The following UNC13C variants were observed in gnomAD, a reference collection of about 807,000 sequenced individuals.
UNC13C encodes protein unc-13 homolog C.
UNC13C carries 174 observed loss-of-function variants against 245.4 expected under a neutral mutation model. That is an observed-to-expected ratio of 0.71 (90% CI 0.63 to 0.80). UNC13C has a LOEUF of 0.80. Among genes scored for constraint, UNC13C ranks in the 30% least tolerant of loss-of-function variants. The probability of loss-of-function intolerance (pLI) is 0.00; values close to 1 mark genes in which losing one functional copy is unlikely to be tolerated. For missense variants in UNC13C, 2,829 were observed against 2,602.9 expected, an observed-to-expected ratio of 1.09 and a Z score of -1.89; for synonymous variants, 992 against 895.1, an observed-to-expected ratio of 1.11 and a Z score of -1.93.
intron 28 of UNC13C, among the ~76,000 whole-genome samples, chr15:54,551,990 A>G (rs533368685): frequency 7.1e-4 from 108 of 151,486 alleles, no homozygotes; most frequent in African/African-American, 2.6e-3. Context: ...AGCAGATATG[A>G]TGTGCTGAAA....
the UNC13C span, among the ~76,000 whole-genome samples, chr15:53,844,486 G>A: frequency 6.6e-6 from 1 of 152,150 alleles, no homozygotes; most frequent in South Asian, 2.1e-4. Flanking sequence ...AGGGAAGGTG[G>A]GTCAATGTGA....
chr15:54,499,490 C>T (rs1484737860), intron 20 of UNC13C, among the ~76,000 whole-genome samples: 1 of 152,020 alleles, frequency 6.6e-6, no homozygotes, highest in Non-Finnish European at 1.5e-5. Context: ...GGCATGATGA[C>T]CTGATTTGCA....
intron 26 of UNC13C, among the ~76,000 whole-genome samples, chr15:54,534,129 C>T (rs967976549): frequency 6.6e-6 from 1 of 152,216 alleles, no homozygotes; most frequent in African/African-American, 2.4e-5. Context: ...CTGCCACCAG[C>T]CATTGCCCCA....
chr15:54,084,547 T>C (rs1480571771), intron 2 of UNC13C, among the ~76,000 whole-genome samples: 4 of 152,236 alleles, frequency 2.6e-5, no homozygotes, highest in Non-Finnish European at 5.9e-5. Context: ...TTTATGGCCA[T>C]TGCCATTTTT....
Position 54,351,498 on chromosome 15 carries a change from G to A in UNC13C, c.4713+13009G>A, listed in dbSNP as rs117273371. Reference sequence around the variant, plus strand: ...GTCTGTATTATTTCCCAAGGCTTGCGCTCCTCTTCCCCAGCTTCCCAGAAG... The same window carrying A: ...GTCTGTATTATTTCCCAAGGCTTGCACTCCTCTTCCCCAGCTTCCCAGAAG... On this transcript the variant is annotated intron_variant, in intron 17 of 32. Transcript: ENST00000260323. Among the ~76,000 whole-genome samples the A allele has an allele frequency of 3.1e-3, 478 of 152,148 alleles. 5 individuals carry two copies. The East Asian group carries it at 0.037, about 12-fold the overall frequency.
the UNC13C span, among the ~76,000 whole-genome samples, chr15:53,957,422 C>T: frequency 6.6e-6 from 1 of 152,162 alleles, no homozygotes; most frequent in Admixed American, 6.5e-5. Context: ...CGTGAGCCAC[C>T]ATGCCCTACC....
the UNC13C span, among the ~76,000 whole-genome samples, chr15:53,947,392 C>T: frequency 6.6e-6 from 1 of 152,148 alleles, no homozygotes; most frequent in Non-Finnish European, 1.5e-5. Context: ...AAATAGAAAG[C>T]TGATTTATTA....
At chr15:54,061,724 T>A (rs977363606) in intron 2 of UNC13C, among the ~76,000 whole-genome samples, 2 of 152,122 alleles carry the variant, frequency 1.3e-5, no homozygotes, top group African/African-American at 4.8e-5. Context: ...TAAAACCTTT[T>A]CGTGAGCAGT....
At chr15:53,900,957 C>T in the UNC13C span, among the ~76,000 whole-genome samples, 1 of 151,660 alleles carries the variant, frequency 6.6e-6, no homozygotes, top group African/African-American at 2.4e-5. Context: ...GATAAATTAC[C>T]AAAAGATGAA....
chr15:54,248,573 CTCTTTAT>C (rs2036059235), intron 7 of UNC13C, among the ~76,000 whole-genome samples: 3 of 52,656 alleles, frequency 5.7e-5, no homozygotes, highest in African/African-American at 5.2e-4. Context: ...GCTTCAGACA[CTCTTTAT>C]TGAGCCAGGA....
rs138625761 is a variant in UNC13C, at chr15:54,012,884, G to C, written c.-20G>C. ...TTGTTTACTTTTCTGGGGCAGAAAA[G>C]CTTGCACTAATTGCTCTCCATGGTG... On this transcript the variant is annotated 5_prime_UTR_variant, in exon 2 of 33. Coordinates refer to ENST00000260323, the MANE Select transcript of UNC13C (RefSeq NM_001080534.3). 9.0e-6 allele frequency: 14 copies of C among 1,550,986 alleles called. No individual in the cohort carries two copies. In the African/African-American group the frequency reaches 1.2e-4, roughly 14 times the overall value.
chr15:54,620,565 G>C (rs1365674328), intron 30 of UNC13C, among the ~76,000 whole-genome samples: 1 of 151,934 alleles, frequency 6.6e-6, no homozygotes, highest in Non-Finnish European at 1.5e-5. Flanking sequence ...GTTTCATTCT[G>C]CTCACATTAA....
intron 18 of UNC13C, among the ~76,000 whole-genome samples, chr15:54,406,115 G>C (rs955592020): frequency 6.6e-6 from 1 of 152,064 alleles, no homozygotes; most frequent in Non-Finnish European, 1.5e-5. Flanking sequence ...TATATGACAC[G>C]GGAGACTTCA....
chr15:53,961,244 C>A, the UNC13C span, among the ~76,000 whole-genome samples: 3 of 152,264 alleles, frequency 2.0e-5, no homozygotes, highest in Non-Finnish European at 4.4e-5. Flanking sequence ...ACTGGCACAG[C>A]ACCGGACCAT....
the UNC13C span, among the ~76,000 whole-genome samples, chr15:53,952,807 T>C: frequency 6.6e-6 from 1 of 152,184 alleles, no homozygotes; most frequent in Non-Finnish European, 1.5e-5. Context: ...TTACTTAAAG[T>C]ATACAGAGAA....
chr15:54,166,870 A>G (rs973077417), intron 4 of UNC13C, among the ~76,000 whole-genome samples: 2 of 152,300 alleles, frequency 1.3e-5, no homozygotes. Flanking sequence ...ATGTTAGTGG[A>G]TTAGAAGTTG....
chr15:54,233,091 C>CA (rs1471298112), intron 4 of UNC13C, among the ~76,000 whole-genome samples: 2 of 152,108 alleles, frequency 1.3e-5, no homozygotes, highest in African/African-American at 2.4e-5. Context: ...TCTTGACATT[C>CA]AAAAGAGTAT....
At chr15:54,053,435 C>T (rs1462064837) in intron 2 of UNC13C, among the ~76,000 whole-genome samples, 3 of 152,120 alleles carry the variant, frequency 2.0e-5, no homozygotes, top group African/African-American at 4.8e-5. Flanking sequence ...CTGAGTGTCG[C>T]ATTATTTATA....
At chr15:54,393,728 C>T (rs916557785) in intron 18 of UNC13C, among the ~76,000 whole-genome samples, 3 of 151,812 alleles carry the variant, frequency 2.0e-5, no homozygotes, top group Middle Eastern at 3.4e-3. Context: ...TAGAAGAGAC[C>T]GTAAAAATCC....
Sources: allele counts gnomAD v4.1 joint callset (sites outside exome capture counted in the v4.1 genomes callset), GRCh38; gene constraint gnomAD v4.1.1; transcripts MANE v1.5; gene names NCBI Gene and HGNC (gene_info 2026-07-23, HGNC 2026-07-21).